SCML2: variants seen among roughly 807,000 people sequenced by gnomAD.
SCML2 encodes the protein Scm polycomb group protein like 2, also known as sex comb on midleg-like protein 2.
SCML2 carries 6 observed loss-of-function variants against 48.4 expected under a neutral mutation model. The ratio of observed to expected loss-of-function variants is 0.12; its 90% CI spans 0.07 to 0.24. The LOEUF is 0.24. Among genes scored for constraint, SCML2 ranks in the 10% least tolerant of loss-of-function variants. The probability of loss-of-function intolerance (pLI) is 1.00; values close to 1 mark genes in which losing one functional copy is unlikely to be tolerated. For missense variants in SCML2, 377 were observed against 528.2 expected (o/e 0.71, Z 2.81); for synonymous variants, 181 against 189.5 (o/e 0.95, Z 0.37).
chrX:18,265,600 T>G lies in SCML2; in HGVS notation c.933A>C (p.Pro311=), dbSNP rs146075412. 23 of 1,207,998 alleles carry G rather than the reference T, an allele frequency of 1.9e-5. No homozygotes were observed. In the African/African-American group the frequency reaches 3.0e-4, roughly 16 times the overall value. The change falls in exon 8 of 15, where the codon CCA becomes CCC. Residue 311 remains proline, a synonymous_variant. Coordinates refer to ENST00000251900, the MANE Select transcript of SCML2 (RefSeq NM_006089.3). ...TACAACTAACCTTTTTTCCTGAGTT[T>G]GGACCTTTTTTCCTTGGTGTGATAT... ...VKNITPRKKG[P]NSGKKEKPLP...
intron 11 of SCML2, among the ~76,000 whole-genome samples, chrX:18,248,980 T>A (rs942622716): frequency 1.7e-4 from 19 of 111,605 alleles, no homozygotes; most frequent in African/African-American, 6.2e-4. Context: ...CGACTTCTGC[T>A]TCTGCGTATT....
chrX:18,314,304 T>C (rs913091463), intron 6 of SCML2, among the ~76,000 whole-genome samples: 1 of 111,558 alleles, frequency 9.0e-6, no homozygotes, highest in African/African-American at 3.3e-5. Flanking sequence ...CCTCCATTTC[T>C]AGAGCTGCTC....
intron 9 of SCML2, among the ~76,000 whole-genome samples, chrX:18,259,835 A>C (rs1484903655): frequency 1.8e-5 from 2 of 111,953 alleles, no homozygotes; most frequent in East Asian, 5.6e-4. Context: ...GCAGCTTTGA[A>C]AATACATACC....
Position 18,256,924 on chromosome X carries a change from G to A in SCML2, c.1380C>T (p.Asn460=). ...AACTAAAAGGCTGGCTACTCAAAAG[G>A]TTATCACACTGCAGACTGTGGCAGA... ...ENFCHSLQCD[N]LLSSQPFSSS... Residue 460 remains asparagine, a synonymous_variant, in exon 11 of 15, where the codon AAC becomes AAT. Coordinates refer to ENST00000251900, the MANE Select transcript of SCML2 (RefSeq NM_006089.3). 8.3e-7 allele frequency: 1 copy of A among 1,207,856 alleles called. No individual in the cohort carries two copies. The highest frequency in any genetic ancestry group is 1.1e-6 in the Non-Finnish European group (1 of 893,040).
intron 7 of SCML2, among the ~76,000 whole-genome samples, chrX:18,302,547 AT>A (rs1928628430): frequency 9.0e-6 from 1 of 111,336 alleles, no homozygotes; most frequent in Non-Finnish European, 1.9e-5. Context: ...CCCCCAGGCA[AT>A]TCAAGAGTGA....
intron 9 of SCML2, among the ~76,000 whole-genome samples, chrX:18,259,219 C>T (rs1208744330): frequency 2.8e-5 from 3 of 107,244 alleles, no homozygotes; most frequent in Non-Finnish European, 3.8e-5. Flanking sequence ...GCCAAGATCA[C>T]GCCACTGCAC....
intron 7 of SCML2, among the ~76,000 whole-genome samples, chrX:18,276,506 ACATT>A (rs1004877906): frequency 9.0e-6 from 1 of 111,179 alleles, no homozygotes; most frequent in African/African-American, 3.3e-5. Context: ...ACGTATACAT[ACATT>A]GACATACATA....
At chrX:18,264,429 G>A (rs190720029) in intron 8 of SCML2, among the ~76,000 whole-genome samples, 3,838 of 80,607 alleles carry the variant, frequency 0.048, 203 homozygotes, top group African/African-American at 0.16. Flanking sequence ...TAATCAGTAC[G>A]ATTGTGTGTG....
At chrX:18,332,373 G>A (rs761015266) in intron 2 of SCML2, among the ~76,000 whole-genome samples, 4 of 111,965 alleles carry the variant, frequency 3.6e-5, no homozygotes, top group South Asian at 7.4e-4. Flanking sequence ...TACCCTTACC[G>A]ATGTTCTAAT....
At chrX:18,339,874 G>C (rs1406060180) in intron 1 of SCML2, among the ~76,000 whole-genome samples, 1 of 111,358 alleles carries the variant, frequency 9.0e-6, no homozygotes, top group Non-Finnish European at 1.9e-5. Flanking sequence ...CAAAAAGAAG[G>C]GGGAAAGAAT....
intron 7 of SCML2, among the ~76,000 whole-genome samples, chrX:18,301,413 C>CA (rs1298632152): frequency 9.1e-6 from 1 of 109,350 alleles, no homozygotes; most frequent in Non-Finnish European, 1.9e-5. Flanking sequence ...AAAAAAAAAT[C>CA]AAAAAAGAAA....
chrX:18,299,049 G>C (rs1053156875), intron 7 of SCML2, among the ~76,000 whole-genome samples: 1 of 111,230 alleles, frequency 9.0e-6, no homozygotes, highest in Non-Finnish European at 1.9e-5. Flanking sequence ...AGACAAGTGG[G>C]ACTACATAAA....
At chrX:18,245,711 C>T (rs1224208215) in intron 13 of SCML2, among the ~76,000 whole-genome samples, 3 of 112,154 alleles carry the variant, frequency 2.7e-5, no homozygotes, top group Non-Finnish European at 5.6e-5. Flanking sequence ...CCTCTTTGCA[C>T]ATGGAAGGCC....
intron 1 of SCML2, among the ~76,000 whole-genome samples, chrX:18,342,882 T>C (rs1930062768): frequency 8.9e-6 from 1 of 111,735 alleles, no homozygotes; most frequent in Non-Finnish European, 1.9e-5. Context: ...AAAAGTCTTG[T>C]TTTAAACCAT....
Position 18,260,242 on chromosome X carries a change from G to A in SCML2, c.998C>T (p.Ser333Leu), listed in dbSNP as rs757028343. 2.2e-5 allele frequency: 26 copies of A among 1,204,679 alleles called. 1 individual carries two copies. The highest frequency in any genetic ancestry group is 3.0e-5 in the East Asian group (1 of 33,751). The change falls in exon 9 of 15, where the codon TCG becomes TTG. Residue 333 changes from serine (S) to leucine (L), a missense_variant. Physicochemically the swap from Ser to Leu is moderately radical, Grantham distance 145. Coordinates refer to ENST00000251900, the MANE Select transcript of SCML2 (RefSeq NM_006089.3). ...TAACATGCCACGGTCTCTGGTCAGC[G>A]ATTTTAGAGAAGCTGCAGATGTAGA... ...ICSTSAASLK[S>L]LTRDRGMLYK...
At chrX:18,339,625 GATCACTTGAGCCCATGAGTTCAAGGC>G (rs1336636152) in intron 1 of SCML2, among the ~76,000 whole-genome samples, 1 of 111,344 alleles carries the variant, frequency 9.0e-6, no homozygotes, top group Non-Finnish European at 1.9e-5. Flanking sequence ...GAGGAGGGAG[GATCACTTGAGCCCATGAGTTCAAGGC>G]TGCAGTGAGT....
intron 7 of SCML2, among the ~76,000 whole-genome samples, chrX:18,282,347 T>C (rs1927891369): frequency 9.1e-6 from 1 of 110,384 alleles, no homozygotes; most frequent in Non-Finnish European, 1.9e-5. Context: ...TATGGACAAC[T>C]CTATGCAAGG....
At chrX:18,334,205 A>C in intron 1 of SCML2, 110 bp from the exon 2 acceptor site, 1 of 516,386 alleles carries the variant, frequency 1.9e-6, no homozygotes, top group Non-Finnish European at 3.1e-6. Flanking sequence ...TTAAACAAAA[A>C]TGATAAGATT....
chrX:18,277,334 G>A (rs2089942656), intron 7 of SCML2, among the ~76,000 whole-genome samples: 1 of 112,350 alleles, frequency 8.9e-6, no homozygotes, highest in Non-Finnish European at 1.9e-5. Context: ...GCCTCCCAAA[G>A]TGCTGGGATT....
Sources: gnomAD v4.1 joint callset for allele counts (sites outside exome capture counted in the v4.1 genomes callset) on GRCh38, gnomAD v4.1.1 for gene constraint, MANE v1.5 for transcripts, NCBI Gene and HGNC (gene_info 2026-07-23, HGNC 2026-07-21) for gene names.